The following PLCB4 variants were observed in gnomAD, a reference collection of about 807,000 sequenced individuals.
PLCB4 encodes 1-phosphatidylinositol 4,5-bisphosphate phosphodiesterase beta-4.
A neutral mutation model predicts 178.8 loss-of-function variants in PLCB4; 77 were observed. The ratio of observed to expected loss-of-function variants is 0.43; its 90% CI spans 0.36 to 0.52. PLCB4 has a LOEUF of 0.52. PLCB4 is among the 20% of genes least tolerant of loss of function. The pLI is 0.00. For missense variants in PLCB4, 1,024 were observed against 1,453.4 expected (o/e 0.70, Z 4.80); for synonymous variants, 496 against 490.8 (o/e 1.01, Z -0.14).
chr20:9,136,771 G>GGGAA (rs2092392644), intron 2 of PLCB4, among the ~76,000 whole-genome samples: 1 of 152,048 alleles, frequency 6.6e-6, no homozygotes, highest in Admixed American at 6.6e-5. Flanking sequence ...GCTTTCATAT[G>GGGAA]GGAAGGATAG....
chr20:9,276,504 T>A (rs1235809418), intron 3 of PLCB4, among the ~76,000 whole-genome samples: 1 of 152,062 alleles, frequency 6.6e-6, no homozygotes, highest in Non-Finnish European at 1.5e-5. Context: ...ATCAAGCCTC[T>A]GGGTACATTT....
intron 3 of PLCB4, among the ~76,000 whole-genome samples, chr20:9,231,375 CTT>C (rs1422664194): frequency 6.6e-6 from 1 of 152,004 alleles, no homozygotes; most frequent in Non-Finnish European, 1.5e-5. Context: ...AGGGGGGTAA[CTT>C]AGGAAAATTC....
At chr20:9,169,585 TAATAAATAAATAAATA>T (rs11473517) in intron 2 of PLCB4, among the ~76,000 whole-genome samples, 6 of 144,494 alleles carry the variant, frequency 4.2e-5, no homozygotes, top group Admixed American at 6.9e-5. Context: ...CAAGACTGTC[TAATAAATAAATAAATA>T]AATAAATAAA....
At chr20:9,429,469 C>A (rs2041248624) in intron 28 of PLCB4, among the ~76,000 whole-genome samples, 1 of 152,196 alleles carries the variant, frequency 6.6e-6, no homozygotes, top group South Asian at 2.1e-4. Context: ...AAGAAAGATA[C>A]TGGGTTTACT....
chr20:9,073,975 G>A (rs1023403946), intron 1 of PLCB4, among the ~76,000 whole-genome samples: 7 of 152,108 alleles, frequency 4.6e-5, no homozygotes, highest in Non-Finnish European at 7.3e-5. Context: ...CACACAAGGC[G>A]AAGACCATGT....
At chr20:9,448,054 A>G (rs539674074) in intron 32 of PLCB4, among the ~76,000 whole-genome samples, 1 of 152,326 alleles carries the variant, frequency 6.6e-6, no homozygotes, top group South Asian at 2.1e-4. Context: ...AAATACAGAA[A>G]TACATTTTAG....
intron 4 of PLCB4, among the ~76,000 whole-genome samples, chr20:9,322,490 A>T (rs2094972785): frequency 6.6e-6 from 1 of 152,230 alleles, no homozygotes; most frequent in African/African-American, 2.4e-5. Flanking sequence ...TTTGTCAAGA[A>T]CGTTAATTGA....
intron 3 of PLCB4, among the ~76,000 whole-genome samples, chr20:9,297,715 A>G (rs1259291633): frequency 6.6e-6 from 1 of 151,900 alleles, no homozygotes; most frequent in Non-Finnish European, 1.5e-5. Flanking sequence ...GTTGAATGAC[A>G]AGGGATTATC....
At chr20:9,436,169 C>G (rs2041755080) in intron 29 of PLCB4, among the ~76,000 whole-genome samples, 1 of 152,068 alleles carries the variant, frequency 6.6e-6, no homozygotes, top group Non-Finnish European at 1.5e-5. Flanking sequence ...AGACTTGGGT[C>G]CCATCCCCAG....
chr20:9,398,775 C>G (rs1204863938), intron 19 of PLCB4, among the ~76,000 whole-genome samples: 1 of 151,990 alleles, frequency 6.6e-6, no homozygotes, highest in South Asian at 2.1e-4. Flanking sequence ...TCTCGGCTCA[C>G]TGCAAGCTCT....
intron 2 of PLCB4, among the ~76,000 whole-genome samples, chr20:9,203,792 T>C (rs1449019569): frequency 7.0e-6 from 1 of 143,454 alleles, no homozygotes; most frequent in Non-Finnish European, 1.5e-5. Flanking sequence ...TTTTTTTTTT[T>C]TTTTTTTTTT....
intron 2 of PLCB4, among the ~76,000 whole-genome samples, chr20:9,129,286 C>T (rs1372323589): frequency 6.6e-6 from 1 of 152,142 alleles, no homozygotes; most frequent in Non-Finnish European, 1.5e-5. Context: ...CCCCTCCCAC[C>T]AATTAGGATA....
chr20:9,342,655 GGTTT>G (rs1302109640), intron 7 of PLCB4, among the ~76,000 whole-genome samples: 1,876 of 147,210 alleles, frequency 0.013, 52 homozygotes, highest in African/African-American at 0.044. Flanking sequence ...TATGTTTTGG[GGTTT>G]TTTTTTTTTT....
At chr20:9,293,406 G>A (rs1054816485) in intron 3 of PLCB4, among the ~76,000 whole-genome samples, 15 of 149,472 alleles carry the variant, frequency 1.0e-4, no homozygotes, top group African/African-American at 3.2e-4. Flanking sequence ...AAAGGAAAGG[G>A]AAGGGAAGGG....
intron 21 of PLCB4, among the ~76,000 whole-genome samples, chr20:9,406,483 A>G (rs2039442336): frequency 6.6e-6 from 1 of 150,844 alleles, no homozygotes; most frequent in African/African-American, 2.5e-5. Context: ...AAGACAAACA[A>G]ATTGACCATT....
chr20:9,165,280 C>T (rs1185013178), intron 2 of PLCB4, among the ~76,000 whole-genome samples: 1 of 152,178 alleles, frequency 6.6e-6, no homozygotes, highest in Non-Finnish European at 1.5e-5. Flanking sequence ...GGGTGTGCTT[C>T]CATTCGCTAT....
intron 4 of PLCB4, among the ~76,000 whole-genome samples, chr20:9,310,960 A>G (rs2094826581): frequency 1.3e-5 from 2 of 152,194 alleles, no homozygotes; most frequent in South Asian, 2.1e-4. Context: ...GTACTTTTCT[A>G]ACTTTACTTG....
chr20:9,462,326 T>C (rs1183799333), intron 35 of PLCB4, among the ~76,000 whole-genome samples: 1 of 152,124 alleles, frequency 6.6e-6, no homozygotes, highest in African/African-American at 2.4e-5. Context: ...AGCAGAAATG[T>C]TGAAAATTCT....
rs1214928498 is a variant in PLCB4, at chr20:9,394,922, G to T, written c.1415-601G>T. ...ATAGAAAAAAATTGGTACCTTAGGG[G>T]TTTTTTTATTTGTGTGTCTTCAATA... On this transcript the variant is annotated intron_variant, in intron 18 of 39. Coordinates refer to ENST00000378473, the MANE Select transcript of PLCB4 (RefSeq NM_001377142.1). 7.9e-5 allele frequency among the ~76,000 whole-genome samples: 12 copies of T among 151,958 alleles called. No individual in the cohort carries two copies. In the South Asian group the frequency reaches 8.3e-4, roughly 11 times the overall value.
Sources: allele counts gnomAD v4.1 joint callset (sites outside exome capture counted in the v4.1 genomes callset), GRCh38; gene constraint gnomAD v4.1.1; transcripts MANE v1.5; gene names NCBI Gene and HGNC (gene_info 2026-07-23, HGNC 2026-07-21).